NR4A3: variants seen among roughly 807,000 people sequenced by gnomAD.
NR4A3 encodes the protein chondrosarcoma, extraskeletal myxoid, fused to EWS.
In NR4A3, 13 loss-of-function variants were observed where a neutral mutation model predicts 55.6. The observed-to-expected ratio is 0.23, with a 90% CI of 0.15 to 0.37. The LOEUF is 0.37. Ranked by LOEUF, NR4A3 falls within the 10% of genes least tolerant of loss-of-function variation. NR4A3 has a pLI of 1.00. For missense variants in NR4A3, 646 were observed against 822.8 expected (o/e 0.79, Z 2.63); for synonymous variants, 342 against 357.9 (o/e 0.96, Z 0.50).
At chr9:99,831,100 G>A (rs1827431163) in intron 3 of NR4A3, among the ~76,000 whole-genome samples, 1 of 152,162 alleles carries the variant, frequency 6.6e-6, no homozygotes, top group Non-Finnish European at 1.5e-5. Flanking sequence ...GTTAATGATA[G>A]GAATTCGGTG....
At chr9:99,859,762 A>G (rs1827980231) in intron 7 of NR4A3, among the ~76,000 whole-genome samples, 1 of 152,194 alleles carries the variant, frequency 6.6e-6, no homozygotes, top group Non-Finnish European at 1.5e-5. Context: ...CTCCCTCCCC[A>G]AATCCAGCCA....
chr9:99,826,287 CA>C (rs1827294135), intron 2 of NR4A3, among the ~76,000 whole-genome samples: 1 of 152,184 alleles, frequency 6.6e-6, no homozygotes, highest in East Asian at 1.9e-4. Flanking sequence ...AGATGAAAAC[CA>C]AAGAGTAAAT....
intron 7 of NR4A3, among the ~76,000 whole-genome samples, chr9:99,857,683 A>G (rs1220107840): frequency 6.6e-6 from 1 of 152,068 alleles, no homozygotes; most frequent in Non-Finnish European, 1.5e-5. Flanking sequence ...TGAACCCAGG[A>G]GGCGAAGGTT....
chr9:99,860,315 A>C (rs1827991024), intron 7 of NR4A3, among the ~76,000 whole-genome samples: 2 of 151,598 alleles, frequency 1.3e-5, no homozygotes, highest in Admixed American at 6.6e-5. Context: ...CAGTTCCCCT[A>C]TTCTTCAGCC....
Position 99,833,279 on chromosome 9 carries a change from C to A in NR4A3, c.1082-3C>A. 6.3e-7 allele frequency: 1 copy of A among 1,575,368 alleles called. No individual in the cohort carries two copies. The highest frequency in any genetic ancestry group is 1.4e-5 in the African/African-American group (1 of 72,990). ...TTGTTTTCTTTGTCTCTTTTGGCAT[C>A]AGTTGTCCGTACAGATAGTCTGAAA... On this transcript the variant is annotated splice_polypyrimidine_tract_variant and splice_region_variant and intron_variant, in intron 4 of 7. Transcript: ENST00000395097.
At chr9:99,860,471 C>T (rs1454034081) in intron 7 of NR4A3, among the ~76,000 whole-genome samples, 1 of 152,164 alleles carries the variant, frequency 6.6e-6, no homozygotes, top group Non-Finnish European at 1.5e-5. Flanking sequence ...AGTGGGATTA[C>T]TTGGTCAGAG....
intron 6 of NR4A3, among the ~76,000 whole-genome samples, chr9:99,845,638 C>T (rs937731328): frequency 6.6e-6 from 1 of 152,164 alleles, no homozygotes; most frequent in Non-Finnish European, 1.5e-5. Flanking sequence ...CCTGCCATCA[C>T]CTCCCCAATT....
At chr9:99,858,329 T>A (rs1827961203) in intron 7 of NR4A3, among the ~76,000 whole-genome samples, 1 of 152,204 alleles carries the variant, frequency 6.6e-6, no homozygotes, top group Non-Finnish European at 1.5e-5. Flanking sequence ...TCTCTCCCCC[T>A]GACTCCTTCT....
rs762091534 is a variant in NR4A3 at position 99,828,234 on chromosome 9, C to T, written c.192C>T (p.Gly64=). 6.2e-7 allele frequency: 1 copy of T among 1,613,994 alleles called. No individual in the cohort carries two copies. The highest frequency in any genetic ancestry group is 8.5e-7 in the Non-Finnish European group (1 of 1,179,962). The part of the protein sequence containing the change: ...SLPSISTFVE[G]YSSNYELKPS... The stretch of plus-strand genomic sequence containing the variant: ...CCAGCATCAGTACCTTCGTGGAGGG[C>T]TACTCGAGCAACTACGAACTCAAGC... Residue 64 remains glycine, a synonymous_variant, in exon 3 of 8, where the codon GGC becomes GGT. Transcript: ENST00000395097. The surrounding 1 kb of genome is among the most constrained non-coding windows in gnomAD (Gnocchi z 7.7).
At chr9:99,835,047 G>A in intron 5 of NR4A3, 1 of 374,626 alleles carries the variant, frequency 2.7e-6, no homozygotes, top group Non-Finnish European at 3.7e-6. Flanking sequence ...TGATGCCTCA[G>A]TTTTCTCCTC....
chr9:99,833,939 T>A, intron 5 of NR4A3: 4 of 1,183,484 alleles, frequency 3.4e-6, no homozygotes, highest in Non-Finnish European at 4.2e-6. Context: ...GGCTGTGACA[T>A]CAGTTGTCAG....
intron 6 of NR4A3, among the ~76,000 whole-genome samples, chr9:99,846,711 G>A (rs1827760163): frequency 1.3e-5 from 2 of 152,104 alleles, no homozygotes; most frequent in East Asian, 1.9e-4. Flanking sequence ...GCAGTGGCAC[G>A]ATCTTGGCTC....
chr9:99,830,945 G>A (rs987152508), intron 3 of NR4A3, among the ~76,000 whole-genome samples: 5 of 151,758 alleles, frequency 3.3e-5, no homozygotes, highest in African/African-American at 9.7e-5. Context: ...GCAATCCCTC[G>A]AAAACAAATC....
intron 5 of NR4A3, chr9:99,834,765 T>A: frequency 3.0e-6 from 3 of 984,580 alleles, no homozygotes; most frequent in Non-Finnish European, 3.6e-6. Flanking sequence ...ACCCTCATTA[T>A]AGGCTGCGAA....
intron 5 of NR4A3, among the ~76,000 whole-genome samples, chr9:99,839,319 A>G (rs1217958015): frequency 6.6e-6 from 1 of 152,250 alleles, no homozygotes; most frequent in Non-Finnish European, 1.5e-5. Context: ...TTTTAGAGCT[A>G]TAGTTGAGAA....
At chr9:99,859,303 C>T (rs1253951343) in intron 7 of NR4A3, among the ~76,000 whole-genome samples, 1 of 152,106 alleles carries the variant, frequency 6.6e-6, no homozygotes, top group African/African-American at 2.4e-5. Context: ...TACCAAGCTA[C>T]AAGAAGAAAG....
chr9:99,828,911 G>A lies in NR4A3; in HGVS notation c.869G>A (p.Gly290Asp). The change falls in exon 3 of 8, where the codon GGC becomes GAC. Residue 290 changes from glycine (G) to aspartate (D), a missense_variant. By Grantham distance (94) the Gly-to-Asp change is moderately conservative. Around this residue, in one of 5 missense-constraint regions of NR4A3, gnomAD observed 426 missense variants for 429.4 expected, o/e 0.99. Transcript: ENST00000395097. The surrounding 1 kb of genome is among the most constrained non-coding windows in gnomAD (Gnocchi z 7.7). ...AGCAGGAGCTCGTCGTCTGGCGAGG[G>A]CACGTGTGCCGTGTGCGGGGACAAC... is the stretch of plus-strand genomic sequence containing the variant. ...PPSRSSSSGEGTCAVCGDNAA... is the reference protein window; with the variant it reads ...PPSRSSSSGEDTCAVCGDNAA... The A allele has an allele frequency of 1.3e-6, 2 of 1,493,924 alleles. No homozygotes were observed. Among genetic ancestry groups the A allele is most frequent in the Non-Finnish European group, 1.8e-6 (2 of 1,125,538 alleles). The allele number at this position is 1,493,924 out of a possible 1,614,324, so 92.5% of individuals were successfully genotyped here.
Position 99,866,241 on chromosome 9 carries a change from C to A in NR4A3, c.*2374C>A, listed in dbSNP as rs1437595367. On this transcript the variant is annotated 3_prime_UTR_variant, in exon 8 of 8. Coordinates refer to ENST00000395097, the MANE Select transcript of NR4A3 (RefSeq NM_006981.4). ...ATTGAATTTGAATAAATTAGAAATA[C>A]TGTGCATACATAACCTTCTTGTGCA... The A allele has an allele frequency of 1.4e-5, 3 of 219,054 alleles. No homozygotes were observed. The East Asian group carries it at 2.0e-4, about 15-fold the overall frequency. The allele number at this position is 219,054 out of a possible 1,614,324, so 13.6% of individuals were successfully genotyped here.
rs1052382161 is a variant in NR4A3, at chr9:99,866,141, A to G, written c.*2274A>G. 1.4e-5 allele frequency: 3 copies of G among 210,968 alleles called. No individual in the cohort carries two copies. The highest frequency in any genetic ancestry group is 9.6e-6 in the Non-Finnish European group (1 of 103,830). 13.1% of individuals were successfully genotyped at this position (210,968 alleles called of 1,614,324 possible). Reference sequence around the variant, plus strand: ...TTTTGCATTAATTTTTTGAGCTTATATGCAAACATAATAAATATTATTAAA... The same window carrying G: ...TTTTGCATTAATTTTTTGAGCTTATGTGCAAACATAATAAATATTATTAAA... On this transcript the variant is annotated 3_prime_UTR_variant, in exon 8 of 8. Transcript: ENST00000395097.
Sources: gnomAD v4.1 joint callset for allele counts (sites outside exome capture counted in the v4.1 genomes callset) on GRCh38, gnomAD v4.1.1 for gene constraint, gnomAD v4.1.1 regional missense constraint, Gnocchi (gnomAD v3.1) non-coding constraint, MANE v1.5 for transcripts, NCBI Gene and HGNC (gene_info 2026-07-23, HGNC 2026-07-21) for gene names.